The following ZFP91 variants were observed in gnomAD, a reference collection of about 807,000 sequenced individuals.
ZFP91 encodes ZFP91 zinc finger protein, atypical E3 ubiquitin ligase.
Under a neutral mutation model 63.5 loss-of-function variants are expected in ZFP91, and 7 were observed. The ratio of observed to expected loss-of-function variants is 0.11; its 90% CI spans 0.06 to 0.21. ZFP91 has a LOEUF of 0.21. Among genes scored for constraint, ZFP91 ranks in the 10% least tolerant of loss-of-function variants. The probability of loss-of-function intolerance (pLI) is 1.00; values close to 1 mark genes in which losing one functional copy is unlikely to be tolerated. For synonymous variants in ZFP91, 330 were observed against 272.1 expected, an observed-to-expected ratio of 1.21 and a Z score of -2.10; for missense variants, 628 against 736.6, an observed-to-expected ratio of 0.85 and a Z score of 1.71.
At chr11:58,594,866 A>G (rs1855370129) in intron 2 of ZFP91, among the ~76,000 whole-genome samples, 1 of 152,156 alleles carries the variant, frequency 6.6e-6, no homozygotes, top group Non-Finnish European at 1.5e-5. Context: ...TTCTGTTTTG[A>G]AACATAAGGA....
chr11:58,592,920 A>C (rs2134398253), intron 2 of ZFP91, among the ~76,000 whole-genome samples: 1 of 152,292 alleles, frequency 6.6e-6, no homozygotes, highest in South Asian at 2.1e-4. Flanking sequence ...TTGTGGTGGA[A>C]GGTGGAGGTG....
At chr11:58,593,995 A>G (rs1040138595) in intron 2 of ZFP91, among the ~76,000 whole-genome samples, 3 of 152,110 alleles carry the variant, frequency 2.0e-5, no homozygotes, top group Non-Finnish European at 4.4e-5. Flanking sequence ...GTTGCCTGGC[A>G]TATTGGAGTA....
rs771961692 is a variant in ZFP91 at position 58,609,780 on chromosome 11, G to A, written c.371-50G>A. On this transcript the variant is annotated intron_variant, in intron 2 of 10. Coordinates refer to ENST00000316059, the MANE Select transcript of ZFP91 (RefSeq NM_053023.5). ...TACAATTAGTAGATATACAGGGATG[G>A]TTATTGGTTAACTGTAAACTTAAAG... 5.3e-6 allele frequency: 8 copies of A among 1,514,974 alleles called. No individual in the cohort carries two copies. In the East Asian group the frequency reaches 1.8e-4, roughly 34 times the overall value. 93.8% of individuals were successfully genotyped at this position (1,514,974 alleles called of 1,614,324 possible). A position where few individuals can be genotyped will look rare whatever the true frequency, so the allele number is the denominator to read the frequency against.
chr11:58,611,583 G>A, intron 5 of ZFP91, 21 bp from the exon 6 acceptor site: 1 of 1,608,296 alleles, frequency 6.2e-7, no homozygotes, highest in Non-Finnish European at 8.5e-7. Flanking sequence ...GTCTAGTATT[G>A]AAATGCATTT....
intron 9 of ZFP91, 82 bp from the exon 10 acceptor site, chr11:58,616,634 C>A: frequency 9.1e-7 from 1 of 1,094,830 alleles, no homozygotes; most frequent in Non-Finnish European, 1.4e-6. Context: ...AATTGCCTGC[C>A]CCATCATCTG....
chr11:58,609,771 A>G, intron 2 of ZFP91, 59 bp from the exon 3 acceptor site: 1 of 1,445,414 alleles, frequency 6.9e-7, no homozygotes, highest in Middle Eastern at 1.7e-4. Context: ...TAGTAGATAT[A>G]CAGGGATGGT....
Position 58,617,456 on chromosome 11 carries a change from A to G in ZFP91, c.1463A>G (p.Asp488Gly), listed in dbSNP as rs537948894. The G allele has an allele frequency of 1.2e-6, 2 of 1,614,110 alleles. No homozygotes were observed. Among genetic ancestry groups the G allele is most frequent in the African/African-American group, 1.3e-5 (1 of 75,048 alleles). Residue 488 changes from aspartate to glycine, a missense_variant, in exon 11 of 11, where the codon GAT (aspartate) becomes GGT (glycine). Physicochemically the swap from Asp to Gly is moderately conservative, Grantham distance 94. This residue lies in a region of ZFP91 where 115 missense variants were observed against 125.4 expected (regional missense o/e 0.92). Transcript: ENST00000316059. This position sits in a 1 kb window ranked among gnomAD's most constrained non-coding sequence, Gnocchi z 4.2. ...CCAGAGTCCCTGACGCAGCCTTCAG[A>G]TGGTCAGGGTCTTCCTCTTCTTCCT... ...TNPESLTQPS[D>G]GQGLPLLPEP...
At position 58,579,184 on chromosome 11, in the gene ZFP91, C is replaced by G; in HGVS notation, c.-98C>G. On this transcript the variant is annotated 5_prime_UTR_variant, in exon 1 of 11. Transcript: ENST00000316059. ...AGGAGCGCAGGGTGAGAGTGAGCCGCAGGCTTCGGGAGGCGAGGGGGCGGG... is the reference window on the plus strand; with the variant it reads ...AGGAGCGCAGGGTGAGAGTGAGCCGGAGGCTTCGGGAGGCGAGGGGGCGGG... The G allele has an allele frequency of 9.7e-7, 1 of 1,033,642 alleles. No homozygotes were observed. Among genetic ancestry groups the G allele is most frequent in the South Asian group, 2.1e-5 (1 of 48,456 alleles). The allele number at this position is 1,033,642 out of a possible 1,614,324, so 64.0% of individuals were successfully genotyped here.
chr11:58,595,275 C>T (rs142988056), intron 2 of ZFP91, among the ~76,000 whole-genome samples: 9 of 152,158 alleles, frequency 5.9e-5, no homozygotes, highest in African/African-American at 1.9e-4. Flanking sequence ...GTTAATTGCC[C>T]AGAAGAAATT....
intron 1 of ZFP91, among the ~76,000 whole-genome samples, chr11:58,581,630 G>A (rs571095568): frequency 1.3e-5 from 2 of 152,118 alleles, no homozygotes; most frequent in African/African-American, 4.8e-5. Context: ...CAAAGTGCTG[G>A]GATTACAGGC....
Position 58,618,474 on chromosome 11 carries a change from C to G in ZFP91, c.*768C>G. On this transcript the variant is annotated 3_prime_UTR_variant, in exon 11 of 11. Transcript: ENST00000316059. ...AAGACAGGGCTCTGTATCAGTGAGA[C>G]GATGAGAAAAGTCCCAGGCTAATGG... The G allele has an allele frequency of 2.7e-6, 1 of 365,378 alleles. No homozygotes were observed. The highest frequency in any genetic ancestry group is 7.3e-5 in the East Asian group (1 of 13,664). The allele number at this position is 365,378 out of a possible 1,614,324, so 22.6% of individuals were successfully genotyped here.
intron 2 of ZFP91, 81 bp downstream of exon 2, chr11:58,584,965 T>A: frequency 8.5e-7 from 1 of 1,172,510 alleles, no homozygotes; most frequent in Non-Finnish European, 1.1e-6. Context: ...TCATTCAAAT[T>A]GGTTCCCATT....
intron 2 of ZFP91, among the ~76,000 whole-genome samples, chr11:58,609,497 ATTAAT>A (rs1308056368): frequency 4.6e-5 from 7 of 152,166 alleles, no homozygotes; most frequent in Non-Finnish European, 7.4e-5. Flanking sequence ...TTTGGGACTA[ATTAAT>A]TTAGTTTCTT....
At chr11:58,605,446 A>AT (rs1240560683) in intron 2 of ZFP91, among the ~76,000 whole-genome samples, 14 of 152,306 alleles carry the variant, frequency 9.2e-5, no homozygotes, top group Admixed American at 7.2e-4. Context: ...TCCTGATAGC[A>AT]TTTTTTATAG....
At chr11:58,602,699 T>C (rs1253541285) in intron 2 of ZFP91, among the ~76,000 whole-genome samples, 1 of 152,184 alleles carries the variant, frequency 6.6e-6, no homozygotes, top group Non-Finnish European at 1.5e-5. Context: ...TTGTAGTAAA[T>C]AGGCTTTTGT....
chr11:58,592,995 A>G (rs578179740), intron 2 of ZFP91, among the ~76,000 whole-genome samples: 9 of 152,202 alleles, frequency 5.9e-5, no homozygotes, highest in African/African-American at 1.9e-4. Context: ...TTAAACAACC[A>G]GGTCTCACAT....
chr11:58,618,410 A>G lies in ZFP91; in HGVS notation c.*704A>G, dbSNP rs1230630542. 3.6e-6 allele frequency: 1 copy of G among 278,458 alleles called. No individual in the cohort carries two copies. The highest frequency in any genetic ancestry group is 4.9e-5 in the Admixed American group (1 of 20,496). The allele number at this position is 278,458 out of a possible 1,614,324, so 17.2% of individuals were successfully genotyped here. On this transcript the variant is annotated 3_prime_UTR_variant, in exon 11 of 11. Coordinates refer to ENST00000316059, the MANE Select transcript of ZFP91 (RefSeq NM_053023.5). The stretch of plus-strand genomic sequence containing the variant: ...CTCACTTGCTTGGAAGCAGGCTCCC[A>G]ATAGGGAGGGGGCTGCCCTCTACAG...
intron 9 of ZFP91, among the ~76,000 whole-genome samples, chr11:58,616,407 C>T (rs945096059): frequency 1.3e-5 from 2 of 152,110 alleles, no homozygotes; most frequent in African/African-American, 4.8e-5. Flanking sequence ...TGTTTACTTG[C>T]TAACCACTTG....
chr11:58,592,962 A>G (rs1329879018), intron 2 of ZFP91, among the ~76,000 whole-genome samples: 1 of 152,038 alleles, frequency 6.6e-6, no homozygotes, highest in Non-Finnish European at 1.5e-5. Flanking sequence ...AGAGCGAGAG[A>G]GAGGGGAGGA....
Sources: allele counts gnomAD v4.1 joint callset (sites outside exome capture counted in the v4.1 genomes callset), GRCh38; gene constraint gnomAD v4.1.1; regional missense constraint gnomAD v4.1.1; non-coding constraint Gnocchi (gnomAD v3.1); transcripts MANE v1.5; gene names NCBI Gene and HGNC (gene_info 2026-07-23, HGNC 2026-07-21).